Variants in TNFRSF19 observed in about 807,000 individuals in gnomAD.
TNFRSF19 encodes the protein TNF receptor superfamily member 19.
A neutral mutation model predicts 46.4 loss-of-function variants in TNFRSF19; 27 were observed. The ratio of observed to expected loss-of-function variants is 0.58; its 90% CI spans 0.43 to 0.80. The LOEUF is 0.80. Ranked by LOEUF, TNFRSF19 falls within the 30% of genes least tolerant of loss-of-function variation. TNFRSF19 has a pLI of 0.00. For synonymous variants in TNFRSF19, 204 were observed against 205.0 expected, an observed-to-expected ratio of 1.00 and a Z score of 0.04; for missense variants, 511 against 530.8, an observed-to-expected ratio of 0.96 and a Z score of 0.37.
At chr13:23,636,889 G>A (rs545405925) in intron 5 of TNFRSF19, among the ~76,000 whole-genome samples, 2 of 152,160 alleles carry the variant, frequency 1.3e-5, no homozygotes, top group African/African-American at 4.8e-5. Flanking sequence ...AAATAGTGTG[G>A]CTTTTCACCC....
chr13:23,671,308 TA>T (rs546431089), intron 9 of TNFRSF19, among the ~76,000 whole-genome samples: 1 of 152,182 alleles, frequency 6.6e-6, no homozygotes, highest in Non-Finnish European at 1.5e-5. Flanking sequence ...TTGCACAGTA[TA>T]ATAATTTATT....
At chr13:23,660,560 C>G (rs1442136172) in intron 7 of TNFRSF19, 70 bp downstream of exon 7, 1 of 1,556,678 alleles carries the variant, frequency 6.4e-7, no homozygotes, top group East Asian at 2.3e-5. Flanking sequence ...AAGAATTGGT[C>G]CTGGTTTATT....
intron 1 of TNFRSF19, among the ~76,000 whole-genome samples, chr13:23,582,998 C>G (rs1296653620): frequency 2.0e-5 from 3 of 152,070 alleles, no homozygotes; most frequent in Non-Finnish European, 4.4e-5. Context: ...CAGTTTTTAG[C>G]TATTATATAT....
At chr13:23,653,079 C>T (rs1303223655) in intron 5 of TNFRSF19, among the ~76,000 whole-genome samples, 1 of 152,160 alleles carries the variant, frequency 6.6e-6, no homozygotes, top group African/African-American at 2.4e-5. Flanking sequence ...TGTCTCAGAG[C>T]CCAGCTTCCT....
At chr13:23,665,813 C>T (rs1254298876) in intron 7 of TNFRSF19, among the ~76,000 whole-genome samples, 3 of 152,146 alleles carry the variant, frequency 2.0e-5, no homozygotes, top group Non-Finnish European at 4.4e-5. Context: ...AGAGCGTATT[C>T]GTGTTTTCTT....
chr13:23,668,742 C>T lies in TNFRSF19; in HGVS notation c.890C>T (p.Thr297Met), dbSNP rs112056395. 1.4e-5 allele frequency: 22 copies of T among 1,614,114 alleles called. No individual in the cohort carries two copies. The highest frequency in any genetic ancestry group is 2.7e-5 in the African/African-American group (2 of 74,950). Residue 297 changes from threonine (T) to methionine (M), a missense_variant, in exon 9 of 10, where the codon ACG becomes ATG. Physicochemically the swap from Thr to Met is moderately conservative, Grantham distance 81. Around this residue, in one of 3 missense-constraint regions of TNFRSF19, gnomAD observed 376 missense variants for 372.7 expected, o/e 1.01. Coordinates refer to ENST00000248484, the MANE Select transcript of TNFRSF19 (RefSeq NM_148957.4). Reference protein sequence around the residue: ...EMVPTFFGSLTQSICGEFSDA... With the variant: ...EMVPTFFGSLMQSICGEFSDA... ...GTGCCGACTTTCTTCGGATCCCTCA[C>T]GCAGTCCATCTGTGGCGAGTTTTCA...
Position 23,658,948 on chromosome 13 carries a change from C to T in TNFRSF19, c.446-102C>T. ...TTTAAATATCTCATGCCAGTTTTCT[C>T]ACAGCATGGGAAGGCCACTGGTAAG... On this transcript the variant is annotated intron_variant, in intron 5 of 9. Transcript: ENST00000248484. The T allele has an allele frequency of 2.7e-6, 4 of 1,485,406 alleles. 1 individual carries two copies. The South Asian group carries it at 3.5e-5, about 13-fold the overall frequency. 92.0% of individuals were successfully genotyped at this position (1,485,406 alleles called of 1,614,324 possible). A position where few individuals can be genotyped will look rare whatever the true frequency, so the allele number is the denominator to read the frequency against.
intron 5 of TNFRSF19, among the ~76,000 whole-genome samples, chr13:23,636,498 G>C (rs1566201808): frequency 6.6e-6 from 1 of 152,062 alleles, no homozygotes; most frequent in East Asian, 1.9e-4. Context: ...TAAGATATCC[G>C]TATCACTGAT....
intron 1 of TNFRSF19, among the ~76,000 whole-genome samples, chr13:23,585,012 A>G (rs1342216492): frequency 1.3e-5 from 2 of 152,214 alleles, no homozygotes; most frequent in Non-Finnish European, 2.9e-5. Flanking sequence ...GACTGGCAGT[A>G]TTTCTAAGTC....
intron 5 of TNFRSF19, among the ~76,000 whole-genome samples, chr13:23,630,302 TAAA>T (rs33960618): frequency 2.9e-4 from 26 of 89,700 alleles, no homozygotes; most frequent in African/African-American, 9.5e-4. Context: ...GACCCTGTCT[TAAA>T]AAAAAAAAAA....
At chr13:23,589,903 TG>T (rs1182970656) in intron 1 of TNFRSF19, among the ~76,000 whole-genome samples, 1 of 152,192 alleles carries the variant, frequency 6.6e-6, no homozygotes, top group Non-Finnish European at 1.5e-5. Flanking sequence ...GGGTATAGCC[TG>T]GGAACTCAGA....
intron 1 of TNFRSF19, chr13:23,585,522 C>T (rs1256057682): frequency 1.3e-5 from 2 of 152,228 alleles, no homozygotes; most frequent in Non-Finnish European, 2.9e-5. Flanking sequence ...TGTGCTACCA[C>T]AGTGACTTGC....
chr13:23,632,126 T>G (rs1882395574), intron 5 of TNFRSF19, among the ~76,000 whole-genome samples: 1 of 152,172 alleles, frequency 6.6e-6, no homozygotes, highest in East Asian at 1.9e-4. Context: ...ACAAAGCCAG[T>G]GCCTAAAGGA....
Position 23,590,240 on chromosome 13 carries a change from A to G in TNFRSF19, c.57A>G (p.Leu19=). The G allele has an allele frequency of 6.3e-7, 1 of 1,586,432 alleles. No homozygotes were observed. Among genetic ancestry groups the G allele is most frequent in the Non-Finnish European group, 8.6e-7 (1 of 1,166,268 alleles). The change falls in exon 2 of 10, where the codon TTA becomes TTG. Residue 19 remains leucine (L), a synonymous_variant. Coordinates refer to ENST00000248484, the MANE Select transcript of TNFRSF19 (RefSeq NM_148957.4). ...QEKTFFTLLV[L]LGYLSCKVTC... ...AAACGTTTTTCACTCTTTTAGTATT[A>G]CTAGGCTATTTGGTAAGTAAAGTCC...
intron 5 of TNFRSF19, among the ~76,000 whole-genome samples, chr13:23,654,987 T>C (rs1289990485): frequency 6.6e-6 from 1 of 152,220 alleles, no homozygotes; most frequent in Non-Finnish European, 1.5e-5. Context: ...CTTTGTCCAG[T>C]GTGACAAGTC....
At chr13:23,593,844 G>A (rs1278096776) in intron 3 of TNFRSF19, among the ~76,000 whole-genome samples, 1 of 152,220 alleles carries the variant, frequency 6.6e-6, no homozygotes, top group East Asian at 1.9e-4. Context: ...CTGATCTGCA[G>A]CTCCCAGCGA....
chr13:23,575,856 G>T (rs945767349), intron 1 of TNFRSF19, among the ~76,000 whole-genome samples: 5 of 152,100 alleles, frequency 3.3e-5, no homozygotes, highest in Admixed American at 2.0e-4. Context: ...TCTTTCAGGG[G>T]TTTTTCAAGT....
intron 7 of TNFRSF19, among the ~76,000 whole-genome samples, chr13:23,664,705 T>C (rs907435691): frequency 5.9e-5 from 9 of 152,244 alleles, no homozygotes; most frequent in Non-Finnish European, 1.2e-4. Context: ...TCATGTTGTA[T>C]ATACAGCCAT....
chr13:23,582,775 C>T lies in TNFRSF19; in HGVS notation c.-34-7375C>T, dbSNP rs1229419125. The stretch of plus-strand genomic sequence containing the variant: ...TCTGCTTTGTCATTATGTATTAGTT[C>T]GCATTTTCTAGAATTTCATATAAAT... On this transcript the variant is annotated intron_variant, in intron 1 of 9. Coordinates refer to ENST00000248484, the MANE Select transcript of TNFRSF19 (RefSeq NM_148957.4). Among the ~76,000 whole-genome samples, 3 of 152,276 alleles carry T rather than the reference C, an allele frequency of 2.0e-5. No individual in the cohort carries two copies. In the South Asian group the frequency reaches 6.2e-4, roughly 32 times the overall value.
Sources: allele counts gnomAD v4.1 joint callset (sites outside exome capture counted in the v4.1 genomes callset), GRCh38; gene constraint gnomAD v4.1.1; regional missense constraint gnomAD v4.1.1; transcripts MANE v1.5; gene names NCBI Gene and HGNC (gene_info 2026-07-23, HGNC 2026-07-21).